Variants in RIMOC1 observed in about 807,000 individuals in gnomAD.
RIMOC1 encodes RAB7A interacting MON1-CCZ1 complex subunit 1.
the RIMOC1 span, chr5:41,919,014 T>A: frequency 6.6e-6 from 1 of 152,416 alleles, no homozygotes; most frequent in African/African-American, 2.4e-5. Context: ...TCTTTTTTTT[T>A]TTTACTTTAC....
chr5:41,914,662 T>C, the RIMOC1 span, among the ~76,000 whole-genome samples: 328 of 151,034 alleles, frequency 2.2e-3, 2 homozygotes, highest in African/African-American at 7.4e-3. Context: ...TCCAGCTACA[T>C]GGCAGGCTGA....
the RIMOC1 span, among the ~76,000 whole-genome samples, chr5:41,915,189 T>C: frequency 6.6e-6 from 1 of 152,214 alleles, no homozygotes; most frequent in African/African-American, 2.4e-5. Context: ...TCTTTGGACA[T>C]GGCCTTATCA....
the RIMOC1 span, among the ~76,000 whole-genome samples, chr5:41,905,839 T>C: frequency 6.6e-6 from 1 of 152,392 alleles, no homozygotes; most frequent in East Asian, 1.9e-4. Flanking sequence ...AGTCATGTGC[T>C]ATATATGGAA....
chr5:41,917,750 T>C, the RIMOC1 span: 1 of 933,946 alleles, frequency 1.1e-6, no homozygotes, highest in South Asian at 4.9e-5. Flanking sequence ...TGGATATAAA[T>C]GTAGGCAAAA....
chr5:41,906,819 T>G, the RIMOC1 span, among the ~76,000 whole-genome samples: 2 of 152,182 alleles, frequency 1.3e-5, no homozygotes, highest in African/African-American at 4.8e-5. Context: ...CAGGTAGGCC[T>G]ACACCAAATG....
the RIMOC1 span, chr5:41,916,499 G>A: frequency 1.1e-6 from 1 of 951,798 alleles, no homozygotes; most frequent in Non-Finnish European, 1.3e-6. Context: ...AAATTGTATG[G>A]ACTCTCAGGC....
chr5:41,909,645 AT>A, the RIMOC1 span: 2 of 681,268 alleles, frequency 2.9e-6, no homozygotes, highest in Non-Finnish European at 4.5e-6. Context: ...GAAGATTTAA[AT>A]GTGTAATAAA....
the RIMOC1 span, among the ~76,000 whole-genome samples, chr5:41,910,520 A>C: frequency 6.6e-6 from 1 of 151,852 alleles, no homozygotes; most frequent in Admixed American, 6.6e-5. Context: ...GAAGCAAATA[A>C]TTTCTCATCT....
At chr5:41,916,416 G>A in the RIMOC1 span, 2 of 948,102 alleles carry the variant, frequency 2.1e-6, no homozygotes, top group Non-Finnish European at 2.5e-6. Context: ...AACTTTTGAT[G>A]AAAATTCTGC....
At chr5:41,909,743 T>TA in the RIMOC1 span, 1 of 1,503,340 alleles carries the variant, frequency 6.7e-7, no homozygotes, top group Non-Finnish European at 8.9e-7. Flanking sequence ...TTTTTTTTTT[T>TA]AGGCTATTTT....
chr5:41,908,629 C>CA, the RIMOC1 span, among the ~76,000 whole-genome samples: 2 of 152,146 alleles, frequency 1.3e-5, no homozygotes, highest in Non-Finnish European at 2.9e-5. Context: ...AACAGCTACT[C>CA]ACAAACCACA....
the RIMOC1 span, chr5:41,907,994 A>G: frequency 1.6e-6 from 1 of 608,302 alleles, no homozygotes; most frequent in Admixed American, 3.4e-5. Flanking sequence ...ACAAAAACTT[A>G]AAACTTTGAG....
the RIMOC1 span, chr5:41,918,520 C>G: frequency 1.0e-6 from 1 of 985,334 alleles, no homozygotes; most frequent in African/African-American, 1.7e-5. Context: ...GTCTTTTAGT[C>G]TAGTCCTTTG....
chr5:41,909,354 T>A, the RIMOC1 span, among the ~76,000 whole-genome samples: 1 of 152,138 alleles, frequency 6.6e-6, no homozygotes, highest in African/African-American at 2.4e-5. Flanking sequence ...CCTTTGAAGG[T>A]TCAAAACTGG....
At chr5:41,920,656 T>G in the RIMOC1 span, 2 of 152,194 alleles carry the variant, frequency 1.3e-5, no homozygotes, top group African/African-American at 2.4e-5. Flanking sequence ...TAGGGGTGGT[T>G]GGGAACTGTC....
the RIMOC1 span, chr5:41,918,194 C>G: frequency 1.0e-6 from 1 of 985,740 alleles, no homozygotes; most frequent in Non-Finnish European, 1.2e-6. Flanking sequence ...CCTTGGACTT[C>G]TGCCCAGTGA....
the RIMOC1 span, chr5:41,907,736 A>G: frequency 6.3e-7 from 1 of 1,590,366 alleles, no homozygotes; most frequent in Non-Finnish European, 8.6e-7. Flanking sequence ...TTTCTTATAG[A>G]TCACTTTTTA....
chr5:41,906,570 G>C, the RIMOC1 span, among the ~76,000 whole-genome samples: 9 of 152,164 alleles, frequency 5.9e-5, no homozygotes, highest in Admixed American at 2.6e-4. Context: ...TCAGTTTATA[G>C]TAGAATCTTT....
chr5:41,912,027 G>A, the RIMOC1 span: 2 of 1,151,908 alleles, frequency 1.7e-6, no homozygotes, highest in African/African-American at 1.5e-5. Flanking sequence ...ATATATCTCT[G>A]CATATAATAC....
Sources: allele counts gnomAD v4.1 joint callset (sites outside exome capture counted in the v4.1 genomes callset), GRCh38; gene constraint gnomAD v4.1.1; transcripts MANE v1.5; gene names NCBI Gene and HGNC (gene_info 2026-07-23, HGNC 2026-07-21).